GPR161: variants seen among roughly 807,000 people sequenced by gnomAD.
GPR161 encodes G-protein coupled receptor RE2.
In GPR161, 25 loss-of-function variants were observed where a neutral mutation model predicts 39.2. That is an observed-to-expected ratio of 0.64 (90% confidence interval 0.47 to 0.89). The LOEUF is 0.89. Among genes scored for constraint, GPR161 ranks in the 40% least tolerant of loss-of-function variants. GPR161 has a pLI of 0.00. For missense variants in GPR161, 547 were observed against 677.8 expected (o/e 0.81, Z 2.14); for synonymous variants, 286 against 276.6 (o/e 1.03, Z -0.34).
intron 2 of GPR161, among the ~76,000 whole-genome samples, chr1:168,102,913 A>T (rs6659592): frequency 0.39 from 58,403 of 150,508 alleles, 11,634 homozygotes; most frequent in Admixed American, 0.48. Flanking sequence ...ACTTTTTTTT[A>T]AAAAAAAATT....
intron 3 of GPR161, among the ~76,000 whole-genome samples, chr1:168,095,889 C>A (rs1190141138): frequency 6.6e-6 from 1 of 152,044 alleles, no homozygotes; most frequent in African/African-American, 2.4e-5. Flanking sequence ...AATCCCAGCA[C>A]TTTGGGTGGC....
At chr1:168,087,532 G>A in intron 5 of GPR161, 53 bp downstream of exon 5, 1 of 1,605,270 alleles carries the variant, frequency 6.2e-7, no homozygotes, top group Non-Finnish European at 8.5e-7. Flanking sequence ...ATTGTCCTAA[G>A]ATCCTTTCCG....
intron 1 of GPR161, among the ~76,000 whole-genome samples, chr1:168,108,092 G>C (rs1333073713): frequency 6.6e-6 from 1 of 152,192 alleles, no homozygotes; most frequent in Non-Finnish European, 1.5e-5. Context: ...GCTTCAAGCT[G>C]CCTCCACTCA....
chr1:168,090,445 C>G lies in GPR161; in HGVS notation c.1204+119G>C, dbSNP rs1694943764. On this transcript the variant is annotated intron_variant, in intron 4 of 5. Coordinates refer to ENST00000682931, the MANE Select transcript of GPR161 (RefSeq NM_001375883.1). ...CAGACTTATGATTCTCACCCCCCAC[C>G]CACCGTGGGAAATGCCCCTCCGCCA... The G allele has an allele frequency of 8.8e-6, 5 of 565,690 alleles. No homozygotes were observed. In the South Asian group the frequency reaches 1.3e-4, roughly 14 times the overall value. 35.0% of individuals were successfully genotyped at this position (565,690 alleles called of 1,614,324 possible).
chr1:168,092,912 G>A (rs540742478), intron 3 of GPR161, among the ~76,000 whole-genome samples: 4 of 152,250 alleles, frequency 2.6e-5, no homozygotes, highest in South Asian at 4.1e-4. Context: ...TCGTAAGGGC[G>A]GCGTTTGGAG....
At position 168,085,509 on chromosome 1, in the gene GPR161, GC is replaced by G. The variant is rs1331831426; in HGVS notation, c.*21del. 6.3e-6 allele frequency: 10 copies of G among 1,597,332 alleles called. No homozygotes were observed. Among genetic ancestry groups the G allele is most frequent in the Non-Finnish European group, 8.6e-6 (10 of 1,168,402 alleles). ...CCCCGGGCCAGCCTCTCAGGCTGCA[GC>G]CCCACGGCACCCTGAGGCCCTCATC... On this transcript the variant is annotated 3_prime_UTR_variant, in exon 6 of 6. Coordinates refer to ENST00000682931, the MANE Select transcript of GPR161 (RefSeq NM_001375883.1).
rs1424039706 is a variant in GPR161 at position 168,085,791 on chromosome 1, C to A, written c.1330G>T (p.Ala444Ser). The change falls in exon 6 of 6, where the codon GCC becomes TCC. Residue 444 changes from alanine (A) to serine (S), a missense_variant. By Grantham distance (99) the Ala-to-Ser change is moderately conservative (BLOSUM62 1). Transcript: ENST00000682931. ...EDEVEQIKEAAKNSILHVKAE... is the reference protein window; with the variant it reads ...EDEVEQIKEASKNSILHVKAE... The stretch of plus-strand genomic sequence containing the variant: ...TTCACATGAAGAATCGAGTTCTTGG[C>A]AGCTTCTGAGGGAGAAGGCAGAAAA... 1 of 1,609,740 alleles carries A rather than the reference C, an allele frequency of 6.2e-7. No individual in the cohort carries two copies. The highest frequency in any genetic ancestry group is 8.5e-7 in the Non-Finnish European group (1 of 1,176,368).
chr1:168,132,997 G>A (rs540060306), intron 1 of GPR161, among the ~76,000 whole-genome samples: 1 of 152,200 alleles, frequency 6.6e-6, no homozygotes, highest in East Asian at 1.9e-4. Flanking sequence ...TGCCTGCCTC[G>A]GCCTCCCAAA....
intron 1 of GPR161, among the ~76,000 whole-genome samples, chr1:168,128,340 A>G (rs1698742426): frequency 6.6e-6 from 1 of 152,164 alleles, no homozygotes; most frequent in African/African-American, 2.4e-5. Context: ...ACCTCTGGAA[A>G]TGCCTGGAGA....
At chr1:168,088,400 G>A (rs1388496553) in intron 4 of GPR161, 1 of 152,140 alleles carries the variant, frequency 6.6e-6, no homozygotes, top group Non-Finnish European at 1.5e-5. Context: ...ATCCATAAAG[G>A]CCTTGAAGCT....
rs968886951 is a variant in GPR161, at chr1:168,136,193, C to T, written c.-45+546G>A. On this transcript the variant is annotated intron_variant, in intron 1 of 5. Coordinates refer to ENST00000682931, the MANE Select transcript of GPR161 (RefSeq NM_001375883.1). ...CGCCGGGCCACTTCTGGGCGCGCCA[C>T]CCGCCGCCCGCCCAGGCTCGGGGAG... The T allele has an allele frequency of 1.8e-5, 23 of 1,277,088 alleles. No individual in the cohort carries two copies. The South Asian group carries it at 2.3e-4, about 13-fold the overall frequency. 79.1% of individuals were successfully genotyped at this position (1,277,088 alleles called of 1,614,324 possible).
chr1:168,087,731 T>G, intron 4 of GPR161, 27 bp from the exon 5 acceptor site: 1 of 1,589,016 alleles, frequency 6.3e-7, no homozygotes, highest in Non-Finnish European at 8.6e-7. Context: ...ATTGTGCATA[T>G]GTAACTACAA....
chr1:168,085,673 GCCT>G lies in GPR161; in HGVS notation c.1445_1447del (p.Glu482del). 6.2e-7 allele frequency: 1 copy of G among 1,614,240 alleles called. No homozygotes were observed. Among genetic ancestry groups the G allele is most frequent in the South Asian group, 1.1e-5 (1 of 91,090 alleles). ...TGCTGTAACCAAGACCCCTGGCAAA[GCCT>G]CCTCCCCAAATAAGTTGATTTTGGC... On this transcript the variant is annotated inframe_deletion, in exon 6 of 6. Transcript: ENST00000682931.
intron 1 of GPR161, among the ~76,000 whole-genome samples, chr1:168,134,631 G>A (rs977873309): frequency 1.3e-5 from 2 of 152,040 alleles, no homozygotes; most frequent in African/African-American, 4.8e-5. Flanking sequence ...CACATAATTT[G>A]GTTAAACTGC....
At chr1:168,137,464 C>A, upstream of GPR161, 1 of 1,429,384 alleles carries the variant, frequency 7.0e-7, no homozygotes, top group Middle Eastern at 1.7e-4. Context: ...TCTGTTAATA[C>A]CACAGTGAAT....
intron 1 of GPR161, chr1:168,136,415 G>T (rs1699378499): frequency 7.3e-7 from 1 of 1,360,992 alleles, no homozygotes; most frequent in Non-Finnish European, 9.5e-7. Flanking sequence ...CTGTTTAGGG[G>T]CTTCGGGCGG....
chr1:168,100,210 C>CAAAAA (rs35900694), intron 2 of GPR161, among the ~76,000 whole-genome samples: 4 of 54,832 alleles, frequency 7.3e-5, no homozygotes, highest in East Asian at 1.2e-3. Context: ...GACCCTGTCT[C>CAAAAA]AAAAAAAAAA....
chr1:168,122,212 A>G (rs2102236017), intron 1 of GPR161, among the ~76,000 whole-genome samples: 1 of 152,046 alleles, frequency 6.6e-6, no homozygotes, highest in East Asian at 2.0e-4. Context: ...CCAGTTGTGC[A>G]GGCCCTAGAC....
Position 168,119,246 on chromosome 1 carries a change from A to C in GPR161, c.-44-14352T>G, listed in dbSNP as rs1337882565. Among the ~76,000 whole-genome samples the C allele has an allele frequency of 4.8e-5, 5 of 103,798 alleles. 1 individual carries two copies. Among genetic ancestry groups the C allele is most frequent in the African/African-American group, 2.1e-4 (5 of 23,492 alleles). The allele number at this position is 103,798 out of a possible 152,430, so 68.1% of individuals were successfully genotyped here. A position where few individuals can be genotyped will look rare whatever the true frequency, so the allele number is the denominator to read the frequency against. ...TATATACGTATATATATATATACAC[A>C]TATATATATACGTATATATATGTGT... On this transcript the variant is annotated intron_variant, in intron 1 of 5. Coordinates refer to ENST00000682931, the MANE Select transcript of GPR161 (RefSeq NM_001375883.1).
Sources: gnomAD v4.1 joint callset for allele counts (sites outside exome capture counted in the v4.1 genomes callset) on GRCh38, gnomAD v4.1.1 for gene constraint, MANE v1.5 for transcripts, NCBI Gene and HGNC (gene_info 2026-07-23, HGNC 2026-07-21) for gene names.